Variants in CTNNA3 observed in about 807,000 individuals in gnomAD.
CTNNA3 encodes catenin alpha 3.
CTNNA3 carries 76 observed loss-of-function variants against 95.7 expected under a neutral mutation model. The observed-to-expected ratio is 0.79, with a 90% CI of 0.66 to 0.96. The LOEUF (loss-of-function observed/expected upper bound fraction) is 0.96, where lower values mean the gene tolerates loss of function less well. CTNNA3 is among the 40% of genes least tolerant of loss of function. The pLI, the probability that CTNNA3 is intolerant of heterozygous loss-of-function variation, is 0.00. For missense variants in CTNNA3, 1,191 were observed against 1,089.8 expected (o/e 1.09, Z -1.31); for synonymous variants, 431 against 374.4 (o/e 1.15, Z -1.74).
chr10:66,700,059 G>C (rs1193300776), intron 9 of CTNNA3, among the ~76,000 whole-genome samples: 1 of 151,888 alleles, frequency 6.6e-6, no homozygotes, highest in Non-Finnish European at 1.5e-5. Flanking sequence ...TTAACTCCTT[G>C]TCAGATAGTT....
chr10:66,235,780 AC>A (rs1332120279), intron 13 of CTNNA3, among the ~76,000 whole-genome samples: 1 of 4,344 alleles, frequency 2.3e-4, no homozygotes, highest in Admixed American at 4.2e-3. Context: ...TATTAATCTG[AC>A]AATTAATAGG....
intron 5 of CTNNA3, among the ~76,000 whole-genome samples, chr10:67,309,269 C>T (rs554551513): frequency 6.6e-6 from 1 of 152,016 alleles, no homozygotes; most frequent in African/African-American, 2.4e-5. Context: ...CATAAATTTA[C>T]CAAGTAAAAA....
intron 13 of CTNNA3, among the ~76,000 whole-genome samples, chr10:66,115,880 G>A (rs1031483951): frequency 2.0e-5 from 3 of 152,098 alleles, no homozygotes; most frequent in Non-Finnish European, 4.4e-5. Context: ...CATTACTGTA[G>A]GGGGGTGTTG....
chr10:66,687,382 G>T (rs567967344), intron 9 of CTNNA3, among the ~76,000 whole-genome samples: 32 of 151,922 alleles, frequency 2.1e-4, no homozygotes, highest in Non-Finnish European at 3.7e-4. Flanking sequence ...GAATTTCATT[G>T]GTACATACCC....
chr10:67,710,728 T>C (rs541998901), intron 1 of CTNNA3, among the ~76,000 whole-genome samples: 9 of 152,334 alleles, frequency 5.9e-5, no homozygotes, highest in African/African-American at 2.2e-4. Flanking sequence ...TTATCTTGCC[T>C]CTTTGTGGAA....
intron 5 of CTNNA3, among the ~76,000 whole-genome samples, chr10:67,432,152 T>C (rs1002587367): frequency 1.3e-5 from 2 of 151,748 alleles, no homozygotes; most frequent in African/African-American, 2.4e-5. Context: ...ATTAAAATGG[T>C]CTGGAACCAA....
At chr10:66,315,860 C>T (rs1263578453) in intron 12 of CTNNA3, among the ~76,000 whole-genome samples, 1 of 152,044 alleles carries the variant, frequency 6.6e-6, no homozygotes, top group East Asian at 1.9e-4. Context: ...GGCAAATAAA[C>T]AATACTATCT....
At chr10:66,462,176 G>A (rs2093534332) in intron 11 of CTNNA3, among the ~76,000 whole-genome samples, 1 of 151,954 alleles carries the variant, frequency 6.6e-6, no homozygotes, top group Non-Finnish European at 1.5e-5. Flanking sequence ...CCTCCATATA[G>A]ATAACCTTTT....
chr10:66,270,289 C>T (rs1189792292), intron 13 of CTNNA3, among the ~76,000 whole-genome samples: 1 of 149,968 alleles, frequency 6.7e-6, no homozygotes, highest in Non-Finnish European at 1.5e-5. Flanking sequence ...ACTGTAGCCT[C>T]GATCCCCCAG....
intron 7 of CTNNA3, among the ~76,000 whole-genome samples, chr10:66,938,268 G>A (rs975538735): frequency 1.3e-5 from 2 of 151,964 alleles, no homozygotes; most frequent in African/African-American, 4.8e-5. Flanking sequence ...TAAACAATGT[G>A]AGGGTCAAGA....
rs9787598 is a variant in CTNNA3 at position 67,366,844 on chromosome 10, C to T, written c.580-146974G>A. ...AATAAAACTGGACCCCTACCTCTAA[C>T]TACATACAAACATTAACTCAAGATG... On this transcript the variant is annotated intron_variant, in intron 5 of 17. Coordinates refer to ENST00000433211, the MANE Select transcript of CTNNA3 (RefSeq NM_013266.4). 0.018 allele frequency among the ~76,000 whole-genome samples: 2,717 copies of T among 152,166 alleles called. 207 individuals carry two copies. The East Asian group carries it at 0.24, about 13-fold the overall frequency.
At chr10:66,859,285 C>A (rs1368276331) in intron 7 of CTNNA3, among the ~76,000 whole-genome samples, 1 of 151,838 alleles carries the variant, frequency 6.6e-6, no homozygotes, top group Admixed American at 6.6e-5. Flanking sequence ...AGGCTAATAT[C>A]GAGAATCTAC....
chr10:67,585,782 TG>T (rs1294833649), intron 3 of CTNNA3, among the ~76,000 whole-genome samples: 1 of 152,100 alleles, frequency 6.6e-6, no homozygotes, highest in East Asian at 1.9e-4. Flanking sequence ...ACCAACCTTT[TG>T]TTTTGTTGAT....
chr10:67,261,263 T>G (rs1368781112), intron 5 of CTNNA3, among the ~76,000 whole-genome samples: 8 of 152,130 alleles, frequency 5.3e-5, no homozygotes, highest in Admixed American at 4.6e-4. Flanking sequence ...ATCCTGAATC[T>G]TCCCAAACCC....
intron 12 of CTNNA3, among the ~76,000 whole-genome samples, chr10:66,281,488 C>A (rs1435689498): frequency 6.6e-6 from 1 of 151,796 alleles, no homozygotes; most frequent in Non-Finnish European, 1.5e-5. Context: ...CAGATTCATT[C>A]TGTTAATGTG....
intron 7 of CTNNA3, among the ~76,000 whole-genome samples, chr10:67,035,810 A>G (rs1925630): frequency 0.34 from 51,018 of 151,978 alleles, 9,172 homozygotes; most frequent in Middle Eastern, 0.55. Flanking sequence ...AAAAAAATCC[A>G]TAGCTGAAGC....
chr10:67,719,238 T>C (rs1841163550), intron 1 of CTNNA3, among the ~76,000 whole-genome samples: 1 of 151,062 alleles, frequency 6.6e-6, no homozygotes, highest in Non-Finnish European at 1.5e-5. Flanking sequence ...TGTTAATCTT[T>C]AAAAAAAAAC....
intron 5 of CTNNA3, among the ~76,000 whole-genome samples, chr10:67,303,897 T>C (rs754283866): frequency 2.0e-5 from 3 of 152,216 alleles, no homozygotes; most frequent in African/African-American, 2.4e-5. Flanking sequence ...CTGAATGCCA[T>C]AATCTAAGCT....
chr10:67,463,348 T>C (rs1239690488), intron 5 of CTNNA3, among the ~76,000 whole-genome samples: 1 of 152,172 alleles, frequency 6.6e-6, no homozygotes, highest in African/African-American at 2.4e-5. Flanking sequence ...ATCAGTTTTC[T>C]TGGCAAAAGA....
Sources: gnomAD v4.1 joint callset for allele counts (sites outside exome capture counted in the v4.1 genomes callset) on GRCh38, gnomAD v4.1.1 for gene constraint, MANE v1.5 for transcripts, NCBI Gene and HGNC (gene_info 2026-07-23, HGNC 2026-07-21) for gene names.